The following CNBD2 variants were observed in gnomAD, a reference collection of about 807,000 sequenced individuals.
The protein encoded by CNBD2 is cyclic nucleotide-binding domain-containing protein 2.
Under a neutral mutation model 63.7 loss-of-function variants are expected in CNBD2, and 64 were observed. That is an observed-to-expected ratio of 1.00 (90% CI 0.82 to 1.24). The LOEUF (loss-of-function observed/expected upper bound fraction) is 1.24. Among genes scored for constraint, CNBD2 ranks in the 50% most tolerant of loss-of-function variants. CNBD2 has a pLI of 0.00. For missense variants in CNBD2, 691 were observed against 713.5 expected (o/e 0.97, Z 0.36); for synonymous variants, 229 against 255.4 (o/e 0.90, Z 0.99).
intron 11 of CNBD2, among the ~76,000 whole-genome samples, chr20:36,024,090 C>A (rs2057255001): frequency 6.6e-6 from 1 of 152,214 alleles, no homozygotes; most frequent in Admixed American, 6.5e-5. Context: ...AATCCCAGCA[C>A]TTTGGGAAGC....
At chr20:36,025,578 C>T (rs914905753) in intron 11 of CNBD2, among the ~76,000 whole-genome samples, 1 of 152,052 alleles carries the variant, frequency 6.6e-6, no homozygotes, top group African/African-American at 2.4e-5. Context: ...CTGCCTTGGT[C>T]TTCCAAAATG....
chr20:36,029,971 T>G (rs1210581840), intron 11 of CNBD2, among the ~76,000 whole-genome samples: 1 of 152,206 alleles, frequency 6.6e-6, no homozygotes, highest in East Asian at 1.9e-4. Context: ...GCTGGACATC[T>G]CACGTAAACC....
chr20:36,006,517 A>G (rs1041364391), intron 8 of CNBD2, among the ~76,000 whole-genome samples: 3 of 152,154 alleles, frequency 2.0e-5, no homozygotes, highest in Admixed American at 2.0e-4. Context: ...CCCAGACTCA[A>G]GTAATCCTAC....
chr20:36,009,394 A>G (rs1422053867), intron 9 of CNBD2, among the ~76,000 whole-genome samples: 2 of 151,604 alleles, frequency 1.3e-5, no homozygotes, highest in Admixed American at 6.6e-5. Flanking sequence ...AGTAGAGACG[A>G]GGTTTCACCG....
intron 9 of CNBD2, among the ~76,000 whole-genome samples, chr20:36,009,861 C>G (rs1336283457): frequency 6.6e-6 from 1 of 152,044 alleles, no homozygotes; most frequent in East Asian, 1.9e-4. Context: ...TTTTCTGTGC[C>G]CAGTACTGAA....
chr20:35,984,499 G>A lies in CNBD2; in HGVS notation c.565-128G>A. On this transcript the variant is annotated intron_variant, in intron 5 of 11. Transcript: ENST00000373973. ...GAGAATGTGCAGGAGAATAGAGGAG[G>A]CTAGGGAACACACAGTCTGGTGAGG... The A allele has an allele frequency of 1.3e-5, 13 of 967,260 alleles. 1 individual carries two copies. The South Asian group carries it at 2.1e-4, about 15-fold the overall frequency. 59.9% of individuals were successfully genotyped at this position (967,260 alleles called of 1,614,324 possible). A position where few individuals can be genotyped will look rare whatever the true frequency, so the allele number is the denominator to read the frequency against.
At chr20:35,969,547 AAT>A (rs1331992863) in intron 1 of CNBD2, among the ~76,000 whole-genome samples, 1 of 152,156 alleles carries the variant, frequency 6.6e-6, no homozygotes, top group East Asian at 1.9e-4. Flanking sequence ...ATCCATAAAC[AAT>A]ATATAGTATG....
intron 8 of CNBD2, among the ~76,000 whole-genome samples, chr20:36,001,273 G>GC (rs1186060182): frequency 2.6e-5 from 4 of 151,714 alleles, no homozygotes; most frequent in African/African-American, 9.7e-5. Flanking sequence ...AGACGGGGTG[G>GC]TGGCCGGGCA....
At chr20:35,958,698 A>G (rs892828324), downstream of CNBD2, among the ~76,000 whole-genome samples, 3 of 152,110 alleles carry the variant, frequency 2.0e-5, no homozygotes, top group Admixed American at 1.3e-4. Flanking sequence ...GATTAATGCA[A>G]CTACTACCAC....
intron 3 of CNBD2, among the ~76,000 whole-genome samples, chr20:35,979,963 G>C (rs1248378113): frequency 6.6e-6 from 1 of 152,180 alleles, no homozygotes; most frequent in East Asian, 1.9e-4. Flanking sequence ...TGAACGTGCT[G>C]GTCCATGAGG....
chr20:36,029,540 A>G (rs2057319530), intron 11 of CNBD2, among the ~76,000 whole-genome samples: 1 of 151,848 alleles, frequency 6.6e-6, no homozygotes, highest in African/African-American at 2.4e-5. Flanking sequence ...ACCTGCTGCC[A>G]CAAGCATGGA....
intron 7 of CNBD2, among the ~76,000 whole-genome samples, chr20:35,988,870 A>G (rs897825984): frequency 1.3e-5 from 2 of 152,222 alleles, no homozygotes; most frequent in East Asian, 3.8e-4. Flanking sequence ...AATTGCTGCC[A>G]TACTGAGGAT....
chr20:35,954,497 C>T (rs1016695599), upstream of CNBD2: 17 of 1,541,290 alleles, frequency 1.1e-5, no homozygotes, highest in Admixed American at 2.0e-5. Flanking sequence ...TCTCTGGCTT[C>T]TCTGCGTCCA....
At chr20:36,021,993 G>C (rs1159565800) in intron 10 of CNBD2, among the ~76,000 whole-genome samples, 1 of 150,250 alleles carries the variant, frequency 6.7e-6, no homozygotes, top group Non-Finnish European at 1.5e-5. Flanking sequence ...AAGAGGACTG[G>C]CTGTTTGATT....
chr20:35,995,295 A>G, intron 8 of CNBD2, 143 bp downstream of exon 8: 1 of 557,218 alleles, frequency 1.8e-6, no homozygotes, highest in Non-Finnish European at 3.2e-6. Flanking sequence ...GTGGAAACCC[A>G]GTCTGCAAGG....
Position 35,975,976 on chromosome 20 carries a change from G to C in CNBD2, c.217G>C (p.Asp73His). 6.2e-7 allele frequency: 1 copy of C among 1,613,026 alleles called. No individual in the cohort carries two copies. Among genetic ancestry groups the C allele is most frequent in the Non-Finnish European group, 8.5e-7 (1 of 1,179,090 alleles). Residue 73 changes from aspartate to histidine, a missense_variant, in exon 3 of 12, where the codon GAT (aspartate) becomes CAT (histidine). Coordinates refer to ENST00000373973, the MANE Select transcript of CNBD2 (RefSeq NM_001365709.1). Reference protein sequence around the residue: ...DKKMQSRVTFDTMDFIAEEGH... With the variant: ...DKKMQSRVTFHTMDFIAEEGH... The stretch of plus-strand genomic sequence containing the variant: ...AAAGATGCAAAGCCGAGTCACATTT[G>C]ATACCATGGACTTCATTGCAGAGGA...
intron 2 of CNBD2, among the ~76,000 whole-genome samples, chr20:35,962,963 G>A (rs1013428002): frequency 2.0e-5 from 3 of 152,190 alleles, no homozygotes; most frequent in African/African-American, 2.4e-5. Context: ...AGTTGCCTGT[G>A]AAACCTTTAG....
intron 10 of CNBD2, among the ~76,000 whole-genome samples, chr20:36,019,141 C>T (rs966524249): frequency 6.6e-6 from 1 of 151,996 alleles, no homozygotes; most frequent in Non-Finnish European, 1.5e-5. Context: ...GAATGAAAAG[C>T]AGGGTGGGTG....
Position 35,972,698 on chromosome 20 carries a change from A to G in CNBD2, c.121A>G (p.Arg41Gly). The change falls in exon 2 of 12, where the codon AGG becomes GGG. Residue 41 changes from arginine (R) to glycine (G), a missense_variant. Physicochemically the swap from Arg to Gly is moderately radical, Grantham distance 125. Coordinates refer to ENST00000373973, the MANE Select transcript of CNBD2 (RefSeq NM_001365709.1). ...GTGTAAAATGTTCCGCCAAGGCCTC[A>G]GGGGATTCCGGGAATATCAAATCAT... is the stretch of plus-strand genomic sequence containing the variant. Reference protein sequence around the residue: ...RVCKMFRQGLRGFREYQIIET... With the variant: ...RVCKMFRQGLGGFREYQIIET... The G allele has an allele frequency of 6.2e-7, 1 of 1,614,024 alleles. No individual in the cohort carries two copies. Among genetic ancestry groups the G allele is most frequent in the Non-Finnish European group, 8.5e-7 (1 of 1,179,912 alleles).
Sources: gnomAD v4.1 joint callset for allele counts (sites outside exome capture counted in the v4.1 genomes callset) on GRCh38, gnomAD v4.1.1 for gene constraint, MANE v1.5 for transcripts, NCBI Gene and HGNC (gene_info 2026-07-23, HGNC 2026-07-21) for gene names.